The following KCNC2 variants were observed in gnomAD, a reference collection of about 807,000 sequenced individuals.
KCNC2 encodes the protein voltage-gated potassium channel KCNC2.
Under a neutral mutation model 44.5 loss-of-function variants are expected in KCNC2, and 21 were observed. That is an observed-to-expected ratio of 0.47 (90% CI 0.33 to 0.68). The LOEUF (loss-of-function observed/expected upper bound fraction) is 0.68. Among genes scored for constraint, KCNC2 ranks in the 30% least tolerant of loss-of-function variants. The pLI, the probability that KCNC2 is intolerant of heterozygous loss-of-function variation, is 0.01. For synonymous variants in KCNC2, 391 were observed against 339.1 expected (o/e 1.15, Z -1.68); for missense variants, 589 against 826.2 (o/e 0.71, Z 3.52).
At chr12:75,107,270 A>C (rs749359193) in intron 2 of KCNC2, among the ~76,000 whole-genome samples, 2 of 152,052 alleles carry the variant, frequency 1.3e-5, no homozygotes, top group South Asian at 2.1e-4. Context: ...CGCCACTGCA[A>C]TCCAGCCTGG....
At chr12:75,135,182 G>A (rs982620029) in intron 2 of KCNC2, among the ~76,000 whole-genome samples, 2 of 151,762 alleles carry the variant, frequency 1.3e-5, no homozygotes, top group African/African-American at 4.8e-5. Context: ...AATAAGTTCA[G>A]GACAAAGCAG....
At chr12:75,200,153 C>T (rs946826876) in intron 2 of KCNC2, among the ~76,000 whole-genome samples, 1 of 151,856 alleles carries the variant, frequency 6.6e-6, no homozygotes, top group African/African-American at 2.4e-5. Flanking sequence ...TCCTTCCTAA[C>T]AGTCTTGCTG....
chr12:75,165,538 A>G (rs1311168816), intron 2 of KCNC2, among the ~76,000 whole-genome samples: 2 of 151,494 alleles, frequency 1.3e-5, no homozygotes, highest in East Asian at 1.9e-4. Context: ...TTCTTATTTA[A>G]TAAGTTATTT....
At chr12:75,180,350 G>A (rs1488919414) in intron 2 of KCNC2, among the ~76,000 whole-genome samples, 1 of 151,600 alleles carries the variant, frequency 6.6e-6, no homozygotes, top group East Asian at 1.9e-4. Flanking sequence ...AATATATGAA[G>A]CCTCCTATTA....
At chr12:75,134,664 T>C (rs1889102798) in intron 2 of KCNC2, among the ~76,000 whole-genome samples, 1 of 151,846 alleles carries the variant, frequency 6.6e-6, no homozygotes, top group Non-Finnish European at 1.5e-5. Flanking sequence ...TGCAAGCCTC[T>C]AAGATAAAAA....
Position 75,042,868 on chromosome 12 carries a change from G to T in KCNC2, c.*237C>A, listed in dbSNP as rs1880068791. 1.5e-6 allele frequency: 2 copies of T among 1,309,986 alleles called. No homozygotes were observed. Among genetic ancestry groups the T allele is most frequent in the South Asian group, 4.3e-5 (2 of 46,248 alleles). 81.1% of individuals were successfully genotyped at this position (1,309,986 alleles called of 1,614,324 possible). ...CACTATCTGTCATTTTATTGCAAAA[G>T]GATATCAGGGCAATTAATAGGAGGG... On this transcript the variant is annotated 3_prime_UTR_variant, in exon 5 of 5. Coordinates refer to ENST00000549446, the MANE Select transcript of KCNC2 (RefSeq NM_139137.4).
chr12:75,075,590 T>C (rs1366643787), intron 2 of KCNC2, among the ~76,000 whole-genome samples: 1 of 151,772 alleles, frequency 6.6e-6, no homozygotes, highest in Admixed American at 6.6e-5. Flanking sequence ...ATAGTTATTC[T>C]TGAATCTGTG....
intron 2 of KCNC2, among the ~76,000 whole-genome samples, chr12:75,142,934 T>A (rs1889758277): frequency 6.6e-6 from 1 of 152,124 alleles, no homozygotes; most frequent in Admixed American, 6.5e-5. Flanking sequence ...AGTGATAAAG[T>A]ATTTATTCCC....
At chr12:75,094,327 T>A (rs2137146147) in intron 2 of KCNC2, among the ~76,000 whole-genome samples, 1 of 151,804 alleles carries the variant, frequency 6.6e-6, no homozygotes, top group Admixed American at 6.6e-5. Context: ...AATATTCCTT[T>A]ACCAAGATAA....
Position 75,042,205 on chromosome 12 carries a change from T to A in KCNC2, c.*900A>T. On this transcript the variant is annotated 3_prime_UTR_variant, in exon 5 of 5. Transcript: ENST00000549446. ...TCTGAAAATGATGACAAACCCTGGG[T>A]ATTTTTTTTTTTTAAAGAGTCTAGA... The A allele has an allele frequency of 5.1e-6, 7 of 1,366,088 alleles. No homozygotes were observed. The highest frequency in any genetic ancestry group is 6.7e-6 in the Non-Finnish European group (7 of 1,050,798). The allele number at this position is 1,366,088 out of a possible 1,614,324, so 84.6% of individuals were successfully genotyped here.
chr12:75,113,868 A>C (rs531391602), intron 2 of KCNC2, among the ~76,000 whole-genome samples: 1 of 152,250 alleles, frequency 6.6e-6, no homozygotes, highest in African/African-American at 2.4e-5. Context: ...TACCACACAG[A>C]GTTTCAGGCC....
rs548764314 is a variant in KCNC2 at position 75,045,519 on chromosome 12, G to A, written c.1781-2278C>T. Among the ~76,000 whole-genome samples the A allele has an allele frequency of 5.3e-5, 8 of 151,800 alleles. No homozygotes were observed. The South Asian group carries it at 1.7e-3, about 32-fold the overall frequency. On this transcript the variant is annotated intron_variant, in intron 4 of 4. Transcript: ENST00000549446. ...TATTCTACATGTTCATTTATGATTA[G>A]AAAATTTGATAAAATGTTGCTTAAT...
chr12:75,096,894 T>C (rs1042298017), intron 2 of KCNC2, among the ~76,000 whole-genome samples: 2 of 152,050 alleles, frequency 1.3e-5, no homozygotes, highest in Admixed American at 1.3e-4. Context: ...ATAGTTTAAT[T>C]TATAGAAACA....
At chr12:75,096,823 C>T (rs1220637514) in intron 2 of KCNC2, among the ~76,000 whole-genome samples, 1 of 151,954 alleles carries the variant, frequency 6.6e-6, no homozygotes, top group Non-Finnish European at 1.5e-5. Context: ...TAAGGTTTAG[C>T]CCATAAATAT....
intron 2 of KCNC2, among the ~76,000 whole-genome samples, chr12:75,076,312 G>A (rs557962950): frequency 2.7e-5 from 4 of 149,806 alleles, no homozygotes; most frequent in Admixed American, 6.7e-5. Flanking sequence ...ACTGAGTCTC[G>A]CTTTGTCGCC....
At chr12:75,122,526 C>T (rs763893245) in intron 2 of KCNC2, among the ~76,000 whole-genome samples, 7 of 152,110 alleles carry the variant, frequency 4.6e-5, no homozygotes, top group African/African-American at 1.4e-4. Context: ...TGAACTGATC[C>T]GTAGTCCTAC....
chr12:75,105,998 T>C (rs1011713187), intron 2 of KCNC2, among the ~76,000 whole-genome samples: 1 of 151,336 alleles, frequency 6.6e-6, no homozygotes, highest in African/African-American at 2.4e-5. Context: ...AGAACTGAGC[T>C]CCCAGAAAAT....
At chr12:75,164,505 G>A (rs1891320728) in intron 2 of KCNC2, among the ~76,000 whole-genome samples, 1 of 151,632 alleles carries the variant, frequency 6.6e-6, no homozygotes, top group African/African-American at 2.4e-5. Context: ...TACTTTGCCA[G>A]TAGCCACTGT....
intron 2 of KCNC2, among the ~76,000 whole-genome samples, chr12:75,114,023 G>C (rs1887460960): frequency 6.6e-6 from 1 of 152,116 alleles, no homozygotes; most frequent in Non-Finnish European, 1.5e-5. Context: ...GTTATTGAAA[G>C]TTTAATGTCA....
Sources: allele counts gnomAD v4.1 joint callset (sites outside exome capture counted in the v4.1 genomes callset), GRCh38; gene constraint gnomAD v4.1.1; transcripts MANE v1.5; gene names NCBI Gene and HGNC (gene_info 2026-07-23, HGNC 2026-07-21).